Variants in YTHDF1 observed in about 807,000 individuals in gnomAD.
The protein encoded by YTHDF1 is YTH domain-containing family protein 1.
A neutral mutation model predicts 49.1 loss-of-function variants in YTHDF1; 16 were observed. That is an observed-to-expected ratio of 0.33 (90% CI 0.22 to 0.49). The LOEUF (loss-of-function observed/expected upper bound fraction) is 0.49. Among genes scored for constraint, YTHDF1 ranks in the 20% least tolerant of loss-of-function variants. YTHDF1 has a pLI of 0.99. For missense variants in YTHDF1, 621 were observed against 744.3 expected, an observed-to-expected ratio of 0.83 and a Z score of 1.93; for synonymous variants, 313 against 290.1, an observed-to-expected ratio of 1.08 and a Z score of -0.80.
chr20:63,198,069 C>T (rs2066500620), intron 4 of YTHDF1, among the ~76,000 whole-genome samples: 1 of 152,068 alleles, frequency 6.6e-6, no homozygotes, highest in Non-Finnish European at 1.5e-5. Flanking sequence ...CCTCCCTACC[C>T]TCAAATGTAA....
Position 63,212,868 on chromosome 20 carries a change from A to G in YTHDF1, c.132+996T>C, listed in dbSNP as rs148930132. Among the ~76,000 whole-genome samples, 242 of 152,320 alleles carry G rather than the reference A, an allele frequency of 1.6e-3. 2 individuals carry two copies. The highest frequency in any genetic ancestry group is 5.6e-3 in the African/African-American group (232 of 41,562). On this transcript the variant is annotated intron_variant, in intron 3 of 4. Transcript: ENST00000370339. ...CAGGGAGGCTGCTAAACATCCAACA[A>G]TGCACAGGACAGCCCCCAAAACAGA... is the stretch of plus-strand genomic sequence containing the variant.
At chr20:63,198,862 A>G (rs1236754116) in intron 4 of YTHDF1, among the ~76,000 whole-genome samples, 2 of 152,190 alleles carry the variant, frequency 1.3e-5, no homozygotes, top group African/African-American at 2.4e-5. Context: ...ACAGTGTGGG[A>G]CGCTCACCAC....
intron 1 of YTHDF1, 125 bp from the exon 2 acceptor site, chr20:63,215,726 C>A: frequency 2.9e-6 from 4 of 1,391,938 alleles, no homozygotes; most frequent in Non-Finnish European, 3.7e-6. Context: ...CGCGCGGTCA[C>A]GTGCGACCCC....
intron 3 of YTHDF1, among the ~76,000 whole-genome samples, chr20:63,210,438 G>A (rs1054415141): frequency 6.6e-6 from 1 of 152,152 alleles, no homozygotes; most frequent in Non-Finnish European, 1.5e-5. Flanking sequence ...TTTCCTTTCA[G>A]AAAACAACAG....
chr20:63,207,690 T>A (rs1029126904), intron 3 of YTHDF1, among the ~76,000 whole-genome samples: 6 of 152,076 alleles, frequency 3.9e-5, no homozygotes, highest in Non-Finnish European at 7.4e-5. Flanking sequence ...TGCGGAGAAC[T>A]GACGACCTCA....
Position 63,215,961 on chromosome 20 carries a change from G to C in YTHDF1, c.-69C>G, listed in dbSNP as rs2066600507. On this transcript the variant is annotated 5_prime_UTR_variant, in exon 1 of 5. Transcript: ENST00000370339. ...CGGGCCTCCCCTAGAGGCCGGGCCT[G>C]TCACCCTAGCTCGCGCGGCCCCGGG... 2 of 1,218,396 alleles carry C rather than the reference G, an allele frequency of 1.6e-6. No homozygotes were observed. The highest frequency in any genetic ancestry group is 2.1e-6 in the Non-Finnish European group (2 of 975,192). The allele number at this position is 1,218,396 out of a possible 1,614,324, so 75.5% of individuals were successfully genotyped here. A position where few individuals can be genotyped will look rare whatever the true frequency, so the allele number is the denominator to read the frequency against.
chr20:63,200,859 CT>C (rs1016127437), intron 4 of YTHDF1, among the ~76,000 whole-genome samples: 1 of 152,126 alleles, frequency 6.6e-6, no homozygotes, highest in Admixed American at 6.5e-5. Flanking sequence ...GCAATTATCC[CT>C]GCAACTTTAG....
intron 3 of YTHDF1, among the ~76,000 whole-genome samples, chr20:63,205,463 T>C (rs1005638370): frequency 6.6e-6 from 1 of 152,136 alleles, no homozygotes; most frequent in Non-Finnish European, 1.5e-5. Flanking sequence ...TATTTTCTAA[T>C]TTTCTTCCTG....
intron 4 of YTHDF1, among the ~76,000 whole-genome samples, chr20:63,197,725 G>A (rs961244337): frequency 2.6e-5 from 4 of 152,016 alleles, no homozygotes; most frequent in African/African-American, 7.3e-5. Flanking sequence ...CTGGGCAACA[G>A]AGAGAGACCC....
chr20:63,215,066 T>TA lies in YTHDF1; in HGVS notation c.52+510dup, dbSNP rs757083917. ...CACCTGAGCTGACACACAAACTGGC[T>TA]AAAAAAGTGTTCCAAGTAAACGTGA... On this transcript the variant is annotated intron_variant, in intron 2 of 4. Coordinates refer to ENST00000370339, the MANE Select transcript of YTHDF1 (RefSeq NM_017798.4). Among the ~76,000 whole-genome samples the TA allele has an allele frequency of 3.9e-5, 6 of 152,174 alleles. No homozygotes were observed. In the East Asian group the frequency reaches 1.2e-3, roughly 29 times the overall value.
In YTHDF1 at chr20:63,196,821, CA is replaced by C. The variant is rs2066494754; in HGVS notation, c.1654-88del. On this transcript the variant is annotated intron_variant, in intron 4 of 4. Transcript: ENST00000370339. ...AGTGAGATCCGAGGCTGCCCCTTAG[CA>C]GCACCTGCAAATCTGGAGGCGGGAC... The C allele has an allele frequency of 2.3e-5, 35 of 1,520,394 alleles. No individual in the cohort carries two copies. In the South Asian group the frequency reaches 3.7e-4, roughly 16 times the overall value. The allele number at this position is 1,520,394 out of a possible 1,614,324, so 94.2% of individuals were successfully genotyped here. A position where few individuals can be genotyped will look rare whatever the true frequency, so the allele number is the denominator to read the frequency against.
chr20:63,209,519 C>CA (rs2066563900), intron 3 of YTHDF1, among the ~76,000 whole-genome samples: 1 of 152,072 alleles, frequency 6.6e-6, no homozygotes. Context: ...CCTATAATCC[C>CA]AGCCCTCTGG....
chr20:63,207,785 T>C (rs1051957807), intron 3 of YTHDF1, among the ~76,000 whole-genome samples: 1 of 152,042 alleles, frequency 6.6e-6, no homozygotes, highest in Non-Finnish European at 1.5e-5. Context: ...GGCAGGTGAA[T>C]CACAAGGTCA....
intron 3 of YTHDF1, among the ~76,000 whole-genome samples, chr20:63,213,055 T>C (rs1273575899): frequency 6.6e-6 from 1 of 152,204 alleles, no homozygotes; most frequent in Non-Finnish European, 1.5e-5. Flanking sequence ...TACAAACAGT[T>C]ACTACTCTCT....
intron 4 of YTHDF1, among the ~76,000 whole-genome samples, chr20:63,200,917 T>C (rs924873729): frequency 1.3e-5 from 2 of 152,104 alleles, no homozygotes; most frequent in Admixed American, 6.6e-5. Flanking sequence ...TCCGAGCTAT[T>C]GTCTGTAATC....
rs780814261 is a variant in YTHDF1 at position 63,203,559 on chromosome 20, A to G, written c.381T>C (p.Pro127=). Residue 127 remains proline, a synonymous_variant, in exon 4 of 5, where the codon CCT becomes CCC. Coordinates refer to ENST00000370339, the MANE Select transcript of YTHDF1 (RefSeq NM_017798.4). This position sits in a 1 kb window ranked among gnomAD's most constrained non-coding sequence, Gnocchi z 4.4. ...CACTTGTCCCCCATGCTGAGAACGC[A>G]GGGTTTTCAGGGAAAAAATTGAACC... is the stretch of plus-strand genomic sequence containing the variant. ...QHRFNFFPEN[P]AFSAWGTSGS... 3.1e-6 allele frequency: 5 copies of G among 1,614,026 alleles called. No homozygotes were observed. In the African/African-American group the frequency reaches 6.7e-5, roughly 22 times the overall value.
At position 63,203,909 on chromosome 20, in the gene YTHDF1, T is replaced by C; in HGVS notation, c.133-102A>G. 9.2e-7 allele frequency: 1 copy of C among 1,090,022 alleles called. No individual in the cohort carries two copies. The allele number at this position is 1,090,022 out of a possible 1,614,324, so 67.5% of individuals were successfully genotyped here. On this transcript the variant is annotated intron_variant, in intron 3 of 4. Coordinates refer to ENST00000370339, the MANE Select transcript of YTHDF1 (RefSeq NM_017798.4). This position sits in a 1 kb window ranked among gnomAD's most constrained non-coding sequence, Gnocchi z 4.4. Reference sequence around the variant, plus strand: ...GCACAGGTGGAGCAAAAACAAAACCTGCACAGCATGGGGCTACTCCTTCCA... The same window carrying C: ...GCACAGGTGGAGCAAAAACAAAACCCGCACAGCATGGGGCTACTCCTTCCA...
chr20:63,203,612 CCCCAGGCT>C lies in YTHDF1; in HGVS notation c.320_327del (p.Gln107ArgfsTer16). The stretch of plus-strand genomic sequence containing the variant: ...TGCTGATAGATGTTGTTCCCCAGGC[CCCCAGGCT>C]GCCCAAAAACAGCATCGTGCATAAA... On this transcript the variant is annotated frameshift_variant, in exon 4 of 5. Coordinates refer to ENST00000370339, the MANE Select transcript of YTHDF1 (RefSeq NM_017798.4). LOFTEE classifies it high-confidence loss of function. This position sits in a 1 kb window ranked among gnomAD's most constrained non-coding sequence, Gnocchi z 4.4. The C allele has an allele frequency of 6.2e-7, 1 of 1,614,156 alleles. No homozygotes were observed. Among genetic ancestry groups the C allele is most frequent in the Non-Finnish European group, 8.5e-7 (1 of 1,180,038 alleles).
At chr20:63,214,213 G>A in intron 2 of YTHDF1, 1 of 704,332 alleles carries the variant, frequency 1.4e-6, no homozygotes, top group Non-Finnish European at 1.7e-6. Context: ...CATAATGCAA[G>A]GAACACATAA....
Sources: allele counts gnomAD v4.1 joint callset (sites outside exome capture counted in the v4.1 genomes callset), GRCh38; gene constraint gnomAD v4.1.1; non-coding constraint Gnocchi (gnomAD v3.1); transcripts MANE v1.5; gene names NCBI Gene and HGNC (gene_info 2026-07-23, HGNC 2026-07-21).